Variants in LOXL2 observed in about 807,000 individuals in gnomAD.
LOXL2 encodes lysyl oxidase like 2, also known as lysyl oxidase homolog 2.
In LOXL2, 70 loss-of-function variants were observed where a neutral mutation model predicts 93.0. The ratio of observed to expected loss-of-function variants is 0.75; its 90% CI spans 0.62 to 0.92. The LOEUF (loss-of-function observed/expected upper bound fraction) is 0.92. LOXL2 is among the 40% of genes least tolerant of loss of function. The probability of loss-of-function intolerance (pLI) is 0.00; values close to 1 mark genes in which losing one functional copy is unlikely to be tolerated. For synonymous variants in LOXL2, 438 were observed against 413.2 expected, an observed-to-expected ratio of 1.06 and a Z score of -0.73; for missense variants, 973 against 1,054.9, an observed-to-expected ratio of 0.92 and a Z score of 1.08.
In LOXL2 at chr8:23,379,880, C is replaced by T. The variant is rs146299634; in HGVS notation, c.-83-11446G>A. ...GGAAAGGGAATTCCCTGAACCCTTG[C>T]GCTTCCTGGGTGAGGGGATGCCTCG... is the stretch of plus-strand genomic sequence containing the variant. On this transcript the variant is annotated intron_variant, in intron 1 of 13. Transcript: ENST00000389131. 7.4e-3 allele frequency among the ~76,000 whole-genome samples: 1,131 copies of T among 152,276 alleles called. 11 individuals carry two copies. Among genetic ancestry groups the T allele is most frequent in the African/African-American group, 0.026 (1,064 of 41,550 alleles).
chr8:23,329,177 T>A (rs1221999184), intron 5 of LOXL2: 1 of 152,288 alleles, frequency 6.6e-6, no homozygotes, highest in Non-Finnish European at 1.5e-5. Flanking sequence ...GACAGGCAGC[T>A]GGAAAGCCAA....
intron 4 of LOXL2, among the ~76,000 whole-genome samples, chr8:23,334,820 TG>T (rs1163407711): frequency 2.9e-5 from 4 of 137,358 alleles, no homozygotes; most frequent in African/African-American, 1.1e-4. Context: ...TATTTGTTGT[TG>T]TTTTTTTTTT....
chr8:23,303,769 C>T (rs1329197084), intron 10 of LOXL2, among the ~76,000 whole-genome samples: 25 of 152,240 alleles, frequency 1.6e-4, no homozygotes, highest in Admixed American at 1.6e-3. Flanking sequence ...CTCACAGCCC[C>T]TTCCTGTTTG....
intron 1 of LOXL2, among the ~76,000 whole-genome samples, chr8:23,373,655 G>T (rs1358421865): frequency 6.6e-6 from 1 of 152,202 alleles, no homozygotes; most frequent in Non-Finnish European, 1.5e-5. Context: ...CAACGCTCTA[G>T]TGTTTTAATT....
At chr8:23,300,919 A>G (rs1014187258) in intron 12 of LOXL2, among the ~76,000 whole-genome samples, 1 of 152,262 alleles carries the variant, frequency 6.6e-6, no homozygotes. Flanking sequence ...ATCTTTTAAA[A>G]TAAATAACTC....
At chr8:23,319,712 G>T (rs536597831) in intron 8 of LOXL2, among the ~76,000 whole-genome samples, 173 bp downstream of exon 8, 1 of 152,304 alleles carries the variant, frequency 6.6e-6, no homozygotes, top group African/African-American at 2.4e-5. Context: ...ACTCAGGCCT[G>T]TAAGGAGCAG....
intron 10 of LOXL2, among the ~76,000 whole-genome samples, chr8:23,304,033 G>C (rs1360853675): frequency 6.6e-6 from 1 of 152,260 alleles, no homozygotes; most frequent in African/African-American, 2.4e-5. Flanking sequence ...CAGCAAGTCT[G>C]TGCTCCTCGC....
chr8:23,341,457 A>G (rs1803882299), intron 3 of LOXL2: 1 of 539,440 alleles, frequency 1.9e-6, no homozygotes, highest in Non-Finnish European at 3.3e-6. Flanking sequence ...ACAGTCAGAA[A>G]AGACTCAGAG....
intron 6 of LOXL2, among the ~76,000 whole-genome samples, chr8:23,327,090 T>C (rs1052301829): frequency 1.3e-5 from 2 of 152,222 alleles, no homozygotes; most frequent in South Asian, 2.1e-4. Flanking sequence ...CCAGCAGTAC[T>C]GTCCATCATT....
At chr8:23,330,607 A>AT (rs1240034164) in intron 5 of LOXL2, among the ~76,000 whole-genome samples, 1 of 103,394 alleles carries the variant, frequency 9.7e-6, no homozygotes, top group Non-Finnish European at 2.2e-5. Context: ...GGAAAATATG[A>AT]TGTAAGGCAC....
intron 3 of LOXL2, among the ~76,000 whole-genome samples, chr8:23,346,173 T>TA (rs1393419687): frequency 2.1e-3 from 229 of 106,868 alleles, no homozygotes; most frequent in African/African-American, 5.6e-3. Flanking sequence ...TAAAATAAAA[T>TA]AAATAAAATA....
chr8:23,311,497 T>C (rs1278030504), intron 9 of LOXL2, among the ~76,000 whole-genome samples: 1 of 152,220 alleles, frequency 6.6e-6, no homozygotes, highest in East Asian at 1.9e-4. Context: ...TCTGAATACC[T>C]CTGAGCTGAG....
rs572008070 is a variant in LOXL2 at position 23,360,118 on chromosome 8, A to T, written c.503T>A (p.Phe168Tyr). ...CSDKRIPGFK[F>Y]DNSLINQIEN... ...TATCTGGTTGATCAACGAATTGTCA[A>T]ATTTGAACCCAGGAATCCTTTTGTC... Residue 168 changes from phenylalanine to tyrosine, a missense_variant, in exon 3 of 14, where the codon TTT (phenylalanine) becomes TAT (tyrosine). Transcript: ENST00000389131. The T allele has an allele frequency of 6.2e-7, 1 of 1,607,572 alleles. No individual in the cohort carries two copies.
chr8:23,334,060 T>TC (rs1803750016), intron 4 of LOXL2, among the ~76,000 whole-genome samples: 1 of 152,200 alleles, frequency 6.6e-6, no homozygotes, highest in African/African-American at 2.4e-5. Context: ...CTTTTTTTTT[T>TC]CTGAGACAGA....
At chr8:23,368,655 C>T (rs943756632) in intron 1 of LOXL2, among the ~76,000 whole-genome samples, 1 of 152,192 alleles carries the variant, frequency 6.6e-6, no homozygotes, top group Non-Finnish European at 1.5e-5. Flanking sequence ...CAGTAGAGTT[C>T]CTGGCAGGGA....
chr8:23,309,495 C>T (rs1262165554), intron 10 of LOXL2, among the ~76,000 whole-genome samples, 173 bp downstream of exon 10: 2 of 152,190 alleles, frequency 1.3e-5, no homozygotes, highest in East Asian at 1.9e-4. Flanking sequence ...AGAATGGCTT[C>T]GGGAAATCTG....
chr8:23,320,290 C>G (rs1803473546), intron 7 of LOXL2, among the ~76,000 whole-genome samples: 1 of 152,212 alleles, frequency 6.6e-6, no homozygotes, highest in Non-Finnish European at 1.5e-5. Flanking sequence ...CTCCACTGAG[C>G]CCCACAGCAG....
chr8:23,380,325 G>A (rs954769722), intron 1 of LOXL2, among the ~76,000 whole-genome samples: 21 of 149,924 alleles, frequency 1.4e-4, no homozygotes, highest in Admixed American at 6.7e-4. Context: ...CCCAGGAGGC[G>A]GAGGTTGCAG....
chr8:23,321,824 G>A, intron 7 of LOXL2: 1 of 334,800 alleles, frequency 3.0e-6, no homozygotes, highest in Non-Finnish European at 5.5e-6. Context: ...TAAGGTTGTG[G>A]CTAGCCGGTC....
Sources: allele counts gnomAD v4.1 joint callset (sites outside exome capture counted in the v4.1 genomes callset), GRCh38; gene constraint gnomAD v4.1.1; transcripts MANE v1.5; gene names NCBI Gene and HGNC (gene_info 2026-07-23, HGNC 2026-07-21).